The following COL19A1 variants were observed in gnomAD, a reference collection of about 807,000 sequenced individuals.
COL19A1 encodes collagen type XIX alpha 1 chain, also known as collagen alpha-1(XIX) chain.
A neutral mutation model predicts 190.2 loss-of-function variants in COL19A1; 159 were observed. That is an observed-to-expected ratio of 0.84 (90% CI 0.73 to 0.95). The LOEUF is 0.95. Among genes scored for constraint, COL19A1 ranks in the 40% least tolerant of loss-of-function variants. The pLI is 0.00. For synonymous variants in COL19A1, 509 were observed against 458.9 expected (o/e 1.11, Z -1.39); for missense variants, 1,418 against 1,431.9 (o/e 0.99, Z 0.16).
chr6:69,887,610 T>C (rs7757078), intron 2 of COL19A1, among the ~76,000 whole-genome samples: 18,024 of 152,200 alleles, frequency 0.12, 1,214 homozygotes, highest in Middle Eastern at 0.3. Context: ...TTGTATAATC[T>C]CTAGAATTTC....
chr6:69,981,460 C>A (rs984553892), intron 11 of COL19A1, among the ~76,000 whole-genome samples: 1 of 151,912 alleles, frequency 6.6e-6, no homozygotes, highest in African/African-American at 2.4e-5. Flanking sequence ...CCTGATTGTG[C>A]CTGTATGTAT....
At chr6:70,083,778 C>T (rs1466008463) in intron 15 of COL19A1, among the ~76,000 whole-genome samples, 4 of 152,086 alleles carry the variant, frequency 2.6e-5, no homozygotes, top group South Asian at 2.1e-4. Flanking sequence ...GACTTAGAAC[C>T]CAGGCAGCCA....
chr6:69,905,374 G>A (rs9454914), intron 4 of COL19A1, among the ~76,000 whole-genome samples: 13,677 of 152,116 alleles, frequency 0.09, 723 homozygotes, highest in East Asian at 0.2. Context: ...TGCTTCATCC[G>A]GTGGCTCCCA....
In COL19A1 at chr6:69,927,913, A is replaced by C. The variant is rs1314019886; in HGVS notation, c.271A>C (p.Ile91Leu). Reference protein sequence around the residue: ...SALLIRDTIKIFPKGLPEEYS... With the variant: ...SALLIRDTIKLFPKGLPEEYS... ...TTCTTTGTTTTCCTCCCACAGTAAG[A>C]TATTTCCCAAAGGCCTTCCTGAGGA... The change falls in exon 5 of 51, where the codon ATA becomes CTA. Residue 91 changes from isoleucine to leucine, a missense_variant. Coordinates refer to ENST00000620364, the MANE Select transcript of COL19A1 (RefSeq NM_001858.6). 6.2e-7 allele frequency: 1 copy of C among 1,605,926 alleles called. No individual in the cohort carries two copies. The highest frequency in any genetic ancestry group is 8.5e-7 in the Non-Finnish European group (1 of 1,175,198).
intron 23 of COL19A1, among the ~76,000 whole-genome samples, chr6:70,143,367 G>A (rs758670455): frequency 2.0e-5 from 3 of 152,056 alleles, no homozygotes; most frequent in Admixed American, 6.6e-5. Context: ...TCATTATCCG[G>A]ATCAGCTTTT....
intron 11 of COL19A1, among the ~76,000 whole-genome samples, chr6:70,005,293 G>C (rs1020725229): frequency 1.3e-5 from 2 of 152,124 alleles, no homozygotes; most frequent in Non-Finnish European, 2.9e-5. Context: ...AGTTTGTCTA[G>C]TTTTGATCTC....
At chr6:70,186,136 A>G (rs954960381) in intron 46 of COL19A1, among the ~76,000 whole-genome samples, 1 of 152,086 alleles carries the variant, frequency 6.6e-6, no homozygotes, top group African/African-American at 2.4e-5. Flanking sequence ...TTTAATTGCT[A>G]TATGTTATTC....
intron 3 of COL19A1, among the ~76,000 whole-genome samples, chr6:69,899,450 A>G (rs1390367190): frequency 6.6e-6 from 1 of 152,038 alleles, no homozygotes; most frequent in Non-Finnish European, 1.5e-5. Flanking sequence ...ACCATGCCCG[A>G]CCCATAAAAA....
intron 14 of COL19A1, among the ~76,000 whole-genome samples, chr6:70,041,671 G>A (rs1299883117): frequency 6.6e-6 from 1 of 152,002 alleles, no homozygotes; most frequent in East Asian, 1.9e-4. Flanking sequence ...TAAAACCTAA[G>A]CTATTAAATT....
At chr6:69,867,325 C>G (rs1289145792) in intron 1 of COL19A1, 1 of 153,052 alleles carries the variant, frequency 6.5e-6, no homozygotes, top group Non-Finnish European at 1.5e-5. Flanking sequence ...TCCTTAATTA[C>G]CCTGCAGCAT....
chr6:70,094,149 C>T (rs924533511), intron 15 of COL19A1, among the ~76,000 whole-genome samples: 2 of 152,080 alleles, frequency 1.3e-5, no homozygotes, highest in African/African-American at 4.8e-5. Context: ...TTATGTCTTC[C>T]TCAGTAAGTA....
chr6:70,153,296 C>T (rs1026060675), intron 31 of COL19A1, among the ~76,000 whole-genome samples: 3 of 152,126 alleles, frequency 2.0e-5, no homozygotes, highest in African/African-American at 2.4e-5. Context: ...GCTTTCTGTT[C>T]GCAAAAATAT....
rs1768237534 is a variant in COL19A1 at position 70,212,056 on chromosome 6, T to C, written c.*4782T>C. On this transcript the variant is annotated 3_prime_UTR_variant, in exon 51 of 51. Transcript: ENST00000620364. ...TGAGGGGGTAAATAAGATTTAAGTT[T>C]ATCAGAAGTGTGTGTATTGTGTGAC... 6.6e-6 allele frequency among the ~76,000 whole-genome samples: 1 copy of C among 152,172 alleles called. No individual in the cohort carries two copies. The highest frequency in any genetic ancestry group is 1.5e-5 in the Non-Finnish European group (1 of 68,022).
At chr6:69,977,799 T>C (rs1169847850) in intron 11 of COL19A1, among the ~76,000 whole-genome samples, 2 of 152,210 alleles carry the variant, frequency 1.3e-5, no homozygotes, top group Admixed American at 6.5e-5. Flanking sequence ...AAATATTTTA[T>C]TTTGTCCTTA....
intron 4 of COL19A1, among the ~76,000 whole-genome samples, chr6:69,921,353 CAT>C (rs1771790129): frequency 1.1e-5 from 1 of 92,976 alleles, no homozygotes; most frequent in South Asian, 3.2e-4. Flanking sequence ...TATCATATAT[CAT>C]AATCATATAT....
intron 4 of COL19A1, among the ~76,000 whole-genome samples, chr6:69,920,732 T>A (rs983431716): frequency 6.6e-6 from 1 of 151,564 alleles, no homozygotes; most frequent in Non-Finnish European, 1.5e-5. Context: ...GTAGACAATT[T>A]AAAAAAAGGA....
intron 15 of COL19A1, among the ~76,000 whole-genome samples, chr6:70,077,978 T>C (rs1011016552): frequency 2.0e-5 from 3 of 152,252 alleles, no homozygotes; most frequent in African/African-American, 7.2e-5. Context: ...CCATGTGTTT[T>C]ATGCAGTCTT....
At chr6:69,878,987 A>G (rs988704972) in intron 1 of COL19A1, among the ~76,000 whole-genome samples, 1 of 152,242 alleles carries the variant, frequency 6.6e-6, no homozygotes, top group Non-Finnish European at 1.5e-5. Flanking sequence ...TGAAGTACCT[A>G]GATTAGTCAA....
intron 18 of COL19A1, among the ~76,000 whole-genome samples, chr6:70,132,101 T>G (rs1785561776): frequency 6.6e-6 from 1 of 151,982 alleles, no homozygotes; most frequent in Non-Finnish European, 1.5e-5. Context: ...CAATAAACAA[T>G]GCATAAAATA....
Sources: gnomAD v4.1 joint callset for allele counts (sites outside exome capture counted in the v4.1 genomes callset) on GRCh38, gnomAD v4.1.1 for gene constraint, MANE v1.5 for transcripts, NCBI Gene and HGNC (gene_info 2026-07-23, HGNC 2026-07-21) for gene names.